Variants in HSPA4 observed in about 807,000 individuals in gnomAD.
HSPA4 encodes the protein heat shock protein family A (Hsp70) member 4.
A neutral mutation model predicts 106.2 loss-of-function variants in HSPA4; 25 were observed. The ratio of observed to expected loss-of-function variants is 0.24; its 90% CI spans 0.17 to 0.33. HSPA4 has a LOEUF of 0.33. Among genes scored for constraint, HSPA4 ranks in the 10% least tolerant of loss-of-function variants. HSPA4 has a pLI of 1.00. For synonymous variants in HSPA4, 332 were observed against 333.6 expected (o/e 1.00, Z 0.05); for missense variants, 841 against 996.0 (o/e 0.84, Z 2.10).
chr5:133,069,946 C>T (rs1211239830), intron 3 of HSPA4, among the ~76,000 whole-genome samples: 2 of 152,084 alleles, frequency 1.3e-5, no homozygotes, highest in Admixed American at 1.3e-4. Context: ...AGGAGGATTC[C>T]TTGAAGCCAG....
In HSPA4 at chr5:133,075,476, C is replaced by T. The variant is rs183277182; in HGVS notation, c.664-1178C>T. 3.3e-5 allele frequency among the ~76,000 whole-genome samples: 5 copies of T among 152,250 alleles called. No homozygotes were observed. The East Asian group carries it at 7.7e-4, about 23-fold the overall frequency. On this transcript the variant is annotated intron_variant, in intron 6 of 18. Coordinates refer to ENST00000304858, the MANE Select transcript of HSPA4 (RefSeq NM_002154.4). Reference sequence around the variant, plus strand: ...ATAAAAATATTCATTACAAAAATCTCCCCAAATTGGAAAACATTTATGTGT... The same window carrying T: ...ATAAAAATATTCATTACAAAAATCTTCCCAAATTGGAAAACATTTATGTGT...
At chr5:133,099,793 G>A (rs1765762492) in intron 16 of HSPA4, 141 bp downstream of exon 16, 5 of 451,460 alleles carry the variant, frequency 1.1e-5, no homozygotes, top group Non-Finnish European at 2.0e-5. Context: ...TATGACTTAG[G>A]CTCATTATCA....
rs1253355245 is a variant in HSPA4, at chr5:133,095,301, C to CAA, written c.1651-791_1651-790dup. 2.6e-5 allele frequency among the ~76,000 whole-genome samples: 4 copies of CAA among 151,802 alleles called. 1 individual carries two copies. Among genetic ancestry groups the CAA allele is most frequent in the Admixed American group, 6.5e-5 (1 of 15,268 alleles). ...TGGGCTACAGAGCGAGACTCCATCT[C>CAA]AAAAAAACAAACAAAAAAAACTAGA... On this transcript the variant is annotated intron_variant, in intron 13 of 18. Coordinates refer to ENST00000304858, the MANE Select transcript of HSPA4 (RefSeq NM_002154.4).
intron 1 of HSPA4, among the ~76,000 whole-genome samples, chr5:133,055,951 GC>G (rs1765155304): frequency 6.6e-6 from 1 of 152,050 alleles, no homozygotes; most frequent in Non-Finnish European, 1.5e-5. Context: ...GGTGGCGGGC[GC>G]CTGTGGTCCC....
chr5:133,088,679 T>G, intron 9 of HSPA4, 124 bp downstream of exon 9: 1 of 762,268 alleles, frequency 1.3e-6, no homozygotes. Context: ...TTCCAAAACC[T>G]TTGTTTTAAA....
At chr5:133,073,450 G>A in intron 5 of HSPA4, 121 bp downstream of exon 5, 2 of 645,870 alleles carry the variant, frequency 3.1e-6, no homozygotes, top group Non-Finnish European at 5.4e-6. Context: ...GCTTACCACT[G>A]TGGTCATGGT....
At chr5:133,072,525 A>T (rs990957214) in intron 4 of HSPA4, among the ~76,000 whole-genome samples, 1 of 147,008 alleles carries the variant, frequency 6.8e-6, no homozygotes, top group Non-Finnish European at 1.5e-5. Context: ...AGTAGCTGGG[A>T]TTACAGGCAT....
At position 133,052,355 on chromosome 5, in the gene HSPA4, G is replaced by A; in HGVS notation, c.105G>A (p.Thr35=). ...TIANEYSDRC[T]PACISFGPKN... is the part of the protein sequence containing the mutation. ...CTAATGAGTATAGCGACCGCTGCAC[G>A]CCGTAAGTGTGGGCCGGGCCTGCCG... The change falls in exon 1 of 19, where the codon ACG becomes ACA. Residue 35 remains threonine, a splice_region_variant and synonymous_variant. Coordinates refer to ENST00000304858, the MANE Select transcript of HSPA4 (RefSeq NM_002154.4). 1 of 1,546,054 alleles carries A rather than the reference G, an allele frequency of 6.5e-7. No homozygotes were observed. Among genetic ancestry groups the A allele is most frequent in the Non-Finnish European group, 8.7e-7 (1 of 1,146,428 alleles).
At chr5:133,092,819 T>TG (rs1314816456) in intron 13 of HSPA4, 30 bp downstream of exon 13, 71 of 1,011,690 alleles carry the variant, frequency 7.0e-5, no homozygotes, top group Non-Finnish European at 8.7e-5. Flanking sequence ...TTTTTTTTTT[T>TG]TTTTTTTTTT....
At chr5:133,072,582 T>C (rs1203314349) in intron 4 of HSPA4, among the ~76,000 whole-genome samples, 1 of 150,692 alleles carries the variant, frequency 6.6e-6, no homozygotes, top group Non-Finnish European at 1.5e-5. Flanking sequence ...TTTTTTTGTA[T>C]TTTTTGTAGA....
intron 17 of HSPA4, among the ~76,000 whole-genome samples, chr5:133,102,747 T>C (rs1217961330): frequency 1.3e-5 from 2 of 151,992 alleles, no homozygotes; most frequent in Non-Finnish European, 2.9e-5. Flanking sequence ...TTTGTTTGTT[T>C]TTGTGTTTTG....
chr5:133,098,036 C>T lies in HSPA4; in HGVS notation c.1929+750C>T, dbSNP rs555060246. ...GTCATCCACGTCCTGTACATCATACCTAAGATGGTAGTTTTTTTATCCCAC... is the reference window on the plus strand; with the variant it reads ...GTCATCCACGTCCTGTACATCATACTTAAGATGGTAGTTTTTTTATCCCAC... On this transcript the variant is annotated intron_variant, in intron 15 of 18. Coordinates refer to ENST00000304858, the MANE Select transcript of HSPA4 (RefSeq NM_002154.4). Among the ~76,000 whole-genome samples the T allele has an allele frequency of 5.3e-5, 8 of 151,860 alleles. No individual in the cohort carries two copies. The East Asian group carries it at 1.4e-3, about 26-fold the overall frequency.
At chr5:133,104,069 T>C in intron 18 of HSPA4, 43 bp downstream of exon 18, 3 of 1,526,564 alleles carry the variant, frequency 2.0e-6, no homozygotes, top group Non-Finnish European at 2.7e-6. Flanking sequence ...TTGACAGCCT[T>C]ATTATTAATA....
intron 6 of HSPA4, chr5:133,076,275 T>C (rs1765445247): frequency 5.1e-6 from 1 of 196,292 alleles, no homozygotes; most frequent in Non-Finnish European, 1.1e-5. Context: ...AGACTAGAAG[T>C]ATGTACATGA....
intron 1 of HSPA4, among the ~76,000 whole-genome samples, chr5:133,057,021 A>G (rs1201013729): frequency 2.0e-5 from 3 of 152,174 alleles, no homozygotes; most frequent in East Asian, 1.9e-4. Context: ...GATGAAATCT[A>G]TGGAAGTTTA....
chr5:133,097,597 G>A (rs1381516982), intron 15 of HSPA4, among the ~76,000 whole-genome samples: 3 of 142,996 alleles, frequency 2.1e-5, no homozygotes, highest in Non-Finnish European at 3.0e-5. Context: ...TGCTCAGGCT[G>A]GAGTGCAGTG....
chr5:133,076,486 T>G (rs1765447102), intron 6 of HSPA4, among the ~76,000 whole-genome samples, 168 bp from the exon 7 acceptor site: 1 of 152,200 alleles, frequency 6.6e-6, no homozygotes, highest in Non-Finnish European at 1.5e-5. Flanking sequence ...GTGCCTATTT[T>G]TACAGTGTGG....
chr5:133,062,284 G>T (rs1468213853), intron 1 of HSPA4, among the ~76,000 whole-genome samples: 1 of 152,112 alleles, frequency 6.6e-6, no homozygotes, highest in Non-Finnish European at 1.5e-5. Flanking sequence ...GGAAAGTTGG[G>T]GATTGTAATT....
intron 1 of HSPA4, among the ~76,000 whole-genome samples, chr5:133,052,570 C>A (rs1765094968): frequency 6.6e-6 from 1 of 152,256 alleles, no homozygotes; most frequent in Non-Finnish European, 1.5e-5. Context: ...AGGGCCTTTT[C>A]CCCGGTGGCC....
Sources: allele counts gnomAD v4.1 joint callset (sites outside exome capture counted in the v4.1 genomes callset), GRCh38; gene constraint gnomAD v4.1.1; transcripts MANE v1.5; gene names NCBI Gene and HGNC (gene_info 2026-07-23, HGNC 2026-07-21).